NBEA: variants seen among roughly 807,000 people sequenced by gnomAD.
NBEA encodes the protein lysosomal-trafficking regulator 2.
A neutral mutation model predicts 343.4 loss-of-function variants in NBEA; 44 were observed. That is an observed-to-expected ratio of 0.13 (90% CI 0.10 to 0.16). NBEA has a LOEUF of 0.16. NBEA is among the 10% of genes least tolerant of loss of function. The pLI is 1.00. For synonymous variants in NBEA, 1,175 were observed against 1,238.7 expected, an observed-to-expected ratio of 0.95 and a Z score of 1.08; for missense variants, 2,555 against 3,631.3, an observed-to-expected ratio of 0.70 and a Z score of 7.62.
At chr13:35,128,163 C>A (rs1339385733) in intron 17 of NBEA, among the ~76,000 whole-genome samples, 6 of 151,140 alleles carry the variant, frequency 4.0e-5, no homozygotes, top group Non-Finnish European at 5.9e-5. Flanking sequence ...TGCAGCGCAC[C>A]AGCATGGCAC....
At chr13:34,951,274 A>G (rs1007941074) in intron 1 of NBEA, among the ~76,000 whole-genome samples, 2 of 152,250 alleles carry the variant, frequency 1.3e-5, no homozygotes, top group African/African-American at 4.8e-5. Context: ...ATGTTATGAA[A>G]TAACATACAG....
chr13:35,073,791 A>G (rs1315908876), intron 10 of NBEA, among the ~76,000 whole-genome samples: 1 of 152,040 alleles, frequency 6.6e-6, no homozygotes, highest in Admixed American at 6.6e-5. Context: ...AAATAGAAGA[A>G]GTTAGACGGG....
Position 35,416,558 on chromosome 13 carries a change from A to G in NBEA, c.6180-15711A>G, listed in dbSNP as rs571047815. On this transcript the variant is annotated intron_variant, in intron 38 of 58. Transcript: ENST00000379939. Reference sequence around the variant, plus strand: ...TACATTTATTGATTTGGGTATGTTGAACCAGCCTTGCATCCCAGGGATGAA... The same window carrying G: ...TACATTTATTGATTTGGGTATGTTGGACCAGCCTTGCATCCCAGGGATGAA... 6.6e-5 allele frequency among the ~76,000 whole-genome samples: 10 copies of G among 152,266 alleles called. No individual in the cohort carries two copies. In the East Asian group the frequency reaches 1.9e-3, roughly 29 times the overall value.
intron 1 of NBEA, among the ~76,000 whole-genome samples, chr13:35,008,350 A>C (rs555864103): frequency 6.6e-6 from 1 of 152,212 alleles, no homozygotes; most frequent in Non-Finnish European, 1.5e-5. Flanking sequence ...AAAATGGCTT[A>C]ATATTTACAT....
chr13:35,156,832 A>G (rs944976075), intron 20 of NBEA, among the ~76,000 whole-genome samples: 24 of 152,288 alleles, frequency 1.6e-4, no homozygotes, highest in Middle Eastern at 3.4e-3. Context: ...GAAAGTAGAG[A>G]AGCAATAAGT....
intron 38 of NBEA, among the ~76,000 whole-genome samples, chr13:35,421,852 A>G (rs2044294705): frequency 6.6e-6 from 1 of 152,076 alleles, no homozygotes; most frequent in Non-Finnish European, 1.5e-5. Flanking sequence ...TTCTCTGGTC[A>G]TCATTGTTTC....
At chr13:35,462,233 C>A (rs780197641) in intron 40 of NBEA, among the ~76,000 whole-genome samples, 3 of 152,078 alleles carry the variant, frequency 2.0e-5, no homozygotes, top group Non-Finnish European at 2.9e-5. Flanking sequence ...ATTCTGCCCT[C>A]CAGGAAGTTA....
chr13:35,289,996 A>C, intron 34 of NBEA, among the ~76,000 whole-genome samples: 1 of 151,852 alleles, frequency 6.6e-6, no homozygotes, highest in East Asian at 1.9e-4. Flanking sequence ...CTTTGCTCCA[A>C]GGAAACAACC....
chr13:35,617,914 C>A (rs7140086), intron 48 of NBEA, among the ~76,000 whole-genome samples: 34,717 of 152,008 alleles, frequency 0.23, 4,172 homozygotes, highest in African/African-American at 0.25. Context: ...TCTAGGCACT[C>A]ATATAAAATA....
intron 41 of NBEA, among the ~76,000 whole-genome samples, chr13:35,492,191 G>C (rs968613069): frequency 6.6e-6 from 1 of 151,904 alleles, no homozygotes; most frequent in African/African-American, 2.4e-5. Flanking sequence ...TGGGAACTCA[G>C]GGGGAAAGGG....
chr13:35,046,543 G>C (rs1403375295), intron 4 of NBEA, among the ~76,000 whole-genome samples: 3 of 152,110 alleles, frequency 2.0e-5, no homozygotes, highest in Non-Finnish European at 4.4e-5. Flanking sequence ...TGAAACTGCG[G>C]ATGGTACTGA....
intron 31 of NBEA, among the ~76,000 whole-genome samples, chr13:35,200,194 T>G (rs1435122655): frequency 1.3e-5 from 2 of 152,012 alleles, no homozygotes; most frequent in East Asian, 3.9e-4. Context: ...TCTCTTTAGA[T>G]AGATTGCTAT....
chr13:35,077,736 A>G (rs1423971978), intron 10 of NBEA, among the ~76,000 whole-genome samples: 1 of 152,154 alleles, frequency 6.6e-6, no homozygotes, highest in Non-Finnish European at 1.5e-5. Flanking sequence ...ACCAGTGGTC[A>G]TTCACTGGTT....
intron 48 of NBEA, among the ~76,000 whole-genome samples, chr13:35,610,360 T>C (rs1377112027): frequency 1.3e-5 from 2 of 151,926 alleles, no homozygotes; most frequent in Non-Finnish European, 2.9e-5. Flanking sequence ...GCTACTGCAC[T>C]CCAGCCGAGA....
At chr13:35,283,987 GACACAC>G (rs34465386) in intron 34 of NBEA, among the ~76,000 whole-genome samples, 10 of 140,966 alleles carry the variant, frequency 7.1e-5, no homozygotes, top group South Asian at 2.2e-4. Flanking sequence ...TGTGTACACA[GACACAC>G]ACACACACAC....
At chr13:34,990,735 T>C (rs1186963661) in intron 1 of NBEA, among the ~76,000 whole-genome samples, 1 of 138,820 alleles carries the variant, frequency 7.2e-6, no homozygotes, top group Non-Finnish European at 1.7e-5. Flanking sequence ...AAAATGGGCT[T>C]TTCTTTTCTC....
chr13:35,430,089 A>G (rs772963507), intron 38 of NBEA, among the ~76,000 whole-genome samples: 9 of 152,024 alleles, frequency 5.9e-5, no homozygotes, highest in Non-Finnish European at 1.0e-4. Flanking sequence ...AACAGTGTAA[A>G]ATGTTTACAT....
chr13:35,367,211 A>G (rs1339885734), intron 38 of NBEA, among the ~76,000 whole-genome samples: 13 of 151,432 alleles, frequency 8.6e-5, no homozygotes, highest in Middle Eastern at 3.4e-3. Context: ...TTTAGTAGCT[A>G]CTTAGGTAGA....
chr13:35,498,736 CA>C (rs2076777338), intron 41 of NBEA, among the ~76,000 whole-genome samples: 1 of 152,074 alleles, frequency 6.6e-6, no homozygotes, highest in African/African-American at 2.4e-5. Context: ...CAGTTATCTA[CA>C]TTAAATCTTT....
Sources: gnomAD v4.1 joint callset for allele counts (sites outside exome capture counted in the v4.1 genomes callset) on GRCh38, gnomAD v4.1.1 for gene constraint, MANE v1.5 for transcripts, NCBI Gene and HGNC (gene_info 2026-07-23, HGNC 2026-07-21) for gene names.